Variants in WWOX observed in about 807,000 individuals in gnomAD.
The protein encoded by WWOX is WW domain-containing oxidoreductase.
A neutral mutation model predicts 46.2 loss-of-function variants in WWOX; 69 were observed. The ratio of observed to expected loss-of-function variants is 1.49; its 90% CI spans 1.23 to 1.82. The LOEUF is 1.82. WWOX is among the 40% of genes most tolerant of loss of function. The pLI, the probability that WWOX is intolerant of heterozygous loss-of-function variation, is 0.00. For synonymous variants in WWOX, 359 were observed against 202.6 expected (o/e 1.77, Z -6.56); for missense variants, 919 against 542.6 (o/e 1.69, Z -6.89).
chr16:79,187,762 G>A (rs1235642309), intron 8 of WWOX, among the ~76,000 whole-genome samples: 1 of 152,114 alleles, frequency 6.6e-6, no homozygotes, highest in Non-Finnish European at 1.5e-5. Flanking sequence ...GGCTGGTCTC[G>A]AACTCCTGGG....
rs377489669 is a variant in WWOX, at chr16:78,613,594, C to T, written c.1056+180842C>T. Among the ~76,000 whole-genome samples, 4 of 152,196 alleles carry T rather than the reference C, an allele frequency of 2.6e-5. No individual in the cohort carries two copies. In the South Asian group the frequency reaches 8.3e-4, roughly 31 times the overall value. On this transcript the variant is annotated intron_variant, in intron 8 of 8. Transcript: ENST00000566780. The stretch of plus-strand genomic sequence containing the variant: ...GGGTGTTCTCCACTGGTTCAACACA[C>T]CTGAATTCCGGATTCAAGATGCAAT...
At chr16:78,738,010 T>C (rs1218940291) in intron 8 of WWOX, among the ~76,000 whole-genome samples, 1 of 152,218 alleles carries the variant, frequency 6.6e-6, no homozygotes, top group Non-Finnish European at 1.5e-5. Context: ...GGGGTTTCCC[T>C]GTCAGAGCCC....
chr16:78,995,345 T>C (rs375617559), intron 8 of WWOX, among the ~76,000 whole-genome samples: 6 of 152,204 alleles, frequency 3.9e-5, no homozygotes, highest in African/African-American at 1.4e-4. Context: ...CTACAGGTCA[T>C]CCCTGAGAAG....
chr16:78,931,350 G>T (rs534633050), intron 8 of WWOX, among the ~76,000 whole-genome samples: 7 of 152,334 alleles, frequency 4.6e-5, no homozygotes, highest in African/African-American at 1.4e-4. Context: ...CTGAAAGGCT[G>T]AGAGGGTACC....
chr16:78,702,180 C>G (rs995410409), intron 8 of WWOX, among the ~76,000 whole-genome samples: 1 of 144,602 alleles, frequency 6.9e-6, no homozygotes, highest in Non-Finnish European at 1.5e-5. Context: ...CTCCGGAGGC[C>G]GAGGCAGGAG....
chr16:78,182,722 G>A (rs1212450072), intron 5 of WWOX, among the ~76,000 whole-genome samples: 1 of 151,986 alleles, frequency 6.6e-6, no homozygotes, highest in Non-Finnish European at 1.5e-5. Flanking sequence ...GGAGGCCGAG[G>A]TGGGTGGATC....
At chr16:78,466,602 G>A (rs953677364) in intron 8 of WWOX, among the ~76,000 whole-genome samples, 2 of 152,088 alleles carry the variant, frequency 1.3e-5, no homozygotes, top group African/African-American at 4.8e-5. Flanking sequence ...GGCTGAGGTG[G>A]GTGGATCACT....
intron 8 of WWOX, among the ~76,000 whole-genome samples, chr16:78,547,336 T>TA (rs2044065300): frequency 6.6e-6 from 1 of 151,842 alleles, no homozygotes; most frequent in Admixed American, 6.6e-5. Flanking sequence ...AATTTACAGA[T>TA]GAAAAAAATG....
chr16:78,334,948 A>G lies in WWOX; in HGVS notation c.517-51912A>G, dbSNP rs897194998. On this transcript the variant is annotated intron_variant, in intron 5 of 8. Transcript: ENST00000566780. The stretch of plus-strand genomic sequence containing the variant: ...TTAAAAAAAAAAAAAAGGCAGCAAA[A>G]TGTGAGATGGGCGTTTATTATGAGA... 4.0e-5 allele frequency among the ~76,000 whole-genome samples: 6 copies of G among 151,356 alleles called. No individual in the cohort carries two copies. The East Asian group carries it at 9.7e-4, about 24-fold the overall frequency.
At chr16:79,026,737 C>T (rs546591766) in intron 8 of WWOX, among the ~76,000 whole-genome samples, 7 of 149,644 alleles carry the variant, frequency 4.7e-5, no homozygotes, top group African/African-American at 1.5e-4. Context: ...CCTGCCTCAG[C>T]GTCCCAAGTA....
At chr16:78,420,875 TCC>T in intron 6 of WWOX, among the ~76,000 whole-genome samples, 1 of 152,074 alleles carries the variant, frequency 6.6e-6, no homozygotes, top group Non-Finnish European at 1.5e-5. Flanking sequence ...AAAAAAGTAA[TCC>T]TGACTGTATA....
Position 78,424,877 on chromosome 16 carries a change from C to A in WWOX, c.613C>A (p.His205Asn), listed in dbSNP as rs74860463. 1,788 of 1,613,998 alleles carry A rather than the reference C, an allele frequency of 1.1e-3. 17 individuals carry two copies. In the African/African-American group the frequency reaches 0.021, roughly 19 times the overall value. Residue 205 changes from histidine to asparagine, a missense_variant, in exon 7 of 9, where the codon CAT (histidine) becomes AAT (asparagine). His to Asn is a moderately conservative substitution (Grantham distance 68). Coordinates refer to ENST00000566780, the MANE Select transcript of WWOX (RefSeq NM_016373.4). ...EAFKAKNVPL[H>N]VLVCNAATFA... is the part of the protein sequence containing the mutation. Reference sequence around the variant, plus strand: ...GGATATTTTATTTTTCAGGCCTCTTCATGTGCTTGTGTGCAACGCAGCAAC... The same window carrying A: ...GGATATTTTATTTTTCAGGCCTCTTAATGTGCTTGTGTGCAACGCAGCAAC...
chr16:78,412,534 G>C, intron 6 of WWOX, among the ~76,000 whole-genome samples: 1 of 152,170 alleles, frequency 6.6e-6, no homozygotes, highest in Non-Finnish European at 1.5e-5. Context: ...ATGGAACAAT[G>C]GGCAAAAGAG....
intron 8 of WWOX, among the ~76,000 whole-genome samples, chr16:78,924,199 G>A (rs1314294483): frequency 1.3e-5 from 2 of 152,126 alleles, no homozygotes. Flanking sequence ...GTAGCTGGGA[G>A]GTCTCTGAAG....
chr16:78,290,833 G>A (rs1486768466), intron 5 of WWOX, among the ~76,000 whole-genome samples: 2 of 152,098 alleles, frequency 1.3e-5, no homozygotes, highest in Non-Finnish European at 2.9e-5. Flanking sequence ...GTATGACTAG[G>A]TTCTTTTTTT....
intron 8 of WWOX, chr16:78,890,785 A>C (rs562335247): frequency 6.6e-6 from 1 of 152,340 alleles, no homozygotes; most frequent in East Asian, 1.9e-4. Context: ...GCCTTGTTCA[A>C]GGTAACAGTA....
In WWOX at chr16:78,649,410, A is replaced by T. The variant is rs542387284; in HGVS notation, c.1056+216658A>T. Among the ~76,000 whole-genome samples, 25 of 152,228 alleles carry T rather than the reference A, an allele frequency of 1.6e-4. 1 individual carries two copies. Among genetic ancestry groups the T allele is most frequent in the African/African-American group, 5.5e-4 (23 of 41,540 alleles). On this transcript the variant is annotated intron_variant, in intron 8 of 8. Coordinates refer to ENST00000566780, the MANE Select transcript of WWOX (RefSeq NM_016373.4). ...GCGATCTTCCCACCTCTGCCACTTG[A>T]ATAGGTGGGACTACAGGTGGGTACC...
intron 8 of WWOX, among the ~76,000 whole-genome samples, chr16:78,807,910 C>A (rs765014641): frequency 6.6e-6 from 1 of 152,226 alleles, no homozygotes; most frequent in Non-Finnish European, 1.5e-5. Context: ...GTACCTAACA[C>A]ATTGGACAGC....
chr16:78,488,474 T>C (rs1202602991), intron 8 of WWOX, among the ~76,000 whole-genome samples: 1 of 152,156 alleles, frequency 6.6e-6, no homozygotes, highest in Non-Finnish European at 1.5e-5. Context: ...TGAGATTCCC[T>C]CTTTAAGGAT....
Sources: allele counts gnomAD v4.1 joint callset (sites outside exome capture counted in the v4.1 genomes callset), GRCh38; gene constraint gnomAD v4.1.1; transcripts MANE v1.5; gene names NCBI Gene and HGNC (gene_info 2026-07-23, HGNC 2026-07-21).